XKR6: variants seen among roughly 807,000 people sequenced by gnomAD.
XKR6 encodes the protein XK-related protein 6.
In XKR6, 22 loss-of-function variants were observed where a neutral mutation model predicts 56.7. The ratio of observed to expected loss-of-function variants is 0.39; its 90% CI spans 0.28 to 0.55. The LOEUF (loss-of-function observed/expected upper bound fraction) is 0.55, where lower values mean the gene tolerates loss of function less well. Among genes scored for constraint, XKR6 ranks in the 20% least tolerant of loss-of-function variants. The pLI is 0.66. For missense variants in XKR6, 852 were observed against 889.0 expected (o/e 0.96, Z 0.53); for synonymous variants, 524 against 387.8 (o/e 1.35, Z -4.13).
At chr8:10,901,379 G>T (rs548858723) in intron 2 of XKR6, among the ~76,000 whole-genome samples, 14 of 152,180 alleles carry the variant, frequency 9.2e-5, no homozygotes, top group East Asian at 5.8e-4. Flanking sequence ...TCAACACATT[G>T]CCCAGGCTGA....
Position 11,201,792 on chromosome 8 carries a change from G to A in XKR6, c.-453C>T, listed in dbSNP as rs1222471440. Among the ~76,000 whole-genome samples, 1 of 152,122 alleles carries A rather than the reference G, an allele frequency of 6.6e-6. No individual in the cohort carries two copies. The highest frequency in any genetic ancestry group is 1.5e-5 in the Non-Finnish European group (1 of 68,016). On this transcript the variant is annotated 5_prime_UTR_variant, in exon 1 of 3. The change creates a new upstream start codon in the 5' untranslated region. Coordinates refer to ENST00000416569, the MANE Select transcript of XKR6 (RefSeq NM_173683.4). Reference sequence around the variant, plus strand: ...ACGTTTTGGGGTCCCCTTCCTCAGCGTCGCAGCTCACAGCTTTCCTCCTGG... The same window carrying A: ...ACGTTTTGGGGTCCCCTTCCTCAGCATCGCAGCTCACAGCTTTCCTCCTGG...
chr8:11,117,667 A>C (rs898619792), intron 1 of XKR6, among the ~76,000 whole-genome samples: 2 of 152,244 alleles, frequency 1.3e-5, no homozygotes, highest in Admixed American at 1.3e-4. Context: ...CACATGAAGA[A>C]CTTTAATTAT....
intron 1 of XKR6, among the ~76,000 whole-genome samples, chr8:10,938,143 G>C (rs935262275): frequency 6.6e-6 from 1 of 152,152 alleles, no homozygotes; most frequent in African/African-American, 2.4e-5. Flanking sequence ...CGCAATATTC[G>C]GGTGGGAGTG....
At chr8:11,133,550 C>A (rs1309845230) in intron 1 of XKR6, among the ~76,000 whole-genome samples, 1 of 152,044 alleles carries the variant, frequency 6.6e-6, no homozygotes, top group East Asian at 1.9e-4. Flanking sequence ...TACACACTCT[C>A]CGGGGAGACT....
At chr8:11,198,729 T>C (rs1804030343) in intron 1 of XKR6, among the ~76,000 whole-genome samples, 1 of 152,164 alleles carries the variant, frequency 6.6e-6, no homozygotes, top group African/African-American at 2.4e-5. Flanking sequence ...TTAGAAACAG[T>C]TCTCTCAGGA....
At chr8:11,036,967 G>A (rs1799161743) in intron 1 of XKR6, among the ~76,000 whole-genome samples, 1 of 152,214 alleles carries the variant, frequency 6.6e-6, no homozygotes, top group Non-Finnish European at 1.5e-5. Flanking sequence ...TCCCCTGCTT[G>A]AGAAGCCCCC....
intron 1 of XKR6, among the ~76,000 whole-genome samples, chr8:11,189,527 A>T (rs943138402): frequency 6.6e-6 from 1 of 152,204 alleles, no homozygotes; most frequent in African/African-American, 2.4e-5. Flanking sequence ...AATCCATTAG[A>T]ATCACCTGAG....
intron 1 of XKR6, among the ~76,000 whole-genome samples, chr8:11,009,802 T>C (rs556466237): frequency 2.8e-4 from 42 of 152,344 alleles, no homozygotes; most frequent in Non-Finnish European, 4.9e-4. Context: ...TTAACACTAA[T>C]GTATCAATAT....
At chr8:10,926,972 C>T (rs1014944286) in intron 1 of XKR6, among the ~76,000 whole-genome samples, 7 of 152,080 alleles carry the variant, frequency 4.6e-5, no homozygotes, top group African/African-American at 7.2e-5. Flanking sequence ...CAGACACACA[C>T]GGAGAGACAC....
intron 1 of XKR6, chr8:11,002,588 C>G (rs1339783925): frequency 2.8e-5 from 5 of 180,222 alleles, no homozygotes; most frequent in Non-Finnish European, 4.9e-5. Context: ...GGTCACCCTC[C>G]CAGCCAGCAC....
At chr8:10,984,313 T>G (rs1039808751) in intron 1 of XKR6, among the ~76,000 whole-genome samples, 1 of 152,214 alleles carries the variant, frequency 6.6e-6, no homozygotes, top group Non-Finnish European at 1.5e-5. Flanking sequence ...AATTCTTACA[T>G]GGATACACAA....
At position 11,114,737 on chromosome 8, in the gene XKR6, G is replaced by A. The variant is rs879421318; in HGVS notation, c.764+85839C>T. Reference sequence around the variant, plus strand: ...CTACTTAGATCACATATGTGTGTGTGTGTGTGTGTGTGTGTGTGTGTGTGT... The same window carrying A: ...CTACTTAGATCACATATGTGTGTGTATGTGTGTGTGTGTGTGTGTGTGTGT... On this transcript the variant is annotated intron_variant, in intron 1 of 2. Transcript: ENST00000416569. Among the ~76,000 whole-genome samples the A allele has an allele frequency of 5.4e-3, 573 of 106,376 alleles. 10 individuals are homozygous for A. Among genetic ancestry groups the A allele is most frequent in the African/African-American group, 0.021 (444 of 21,210 alleles). The allele number at this position is 106,376 out of a possible 152,430, so 69.8% of individuals were successfully genotyped here. A position where few individuals can be genotyped will look rare whatever the true frequency, so the allele number is the denominator to read the frequency against.
intron 1 of XKR6, among the ~76,000 whole-genome samples, chr8:11,042,886 C>A (rs932979060): frequency 3.3e-5 from 5 of 152,158 alleles, no homozygotes; most frequent in Admixed American, 1.3e-4. Context: ...GCACTTAGGC[C>A]CAGAAGAGTC....
intron 1 of XKR6, among the ~76,000 whole-genome samples, chr8:11,097,166 C>G (rs1798288634): frequency 5.3e-5 from 8 of 152,206 alleles, no homozygotes; most frequent in Admixed American, 4.6e-4. Context: ...CTCATATAGA[C>G]TTTGTCTCCT....
At chr8:11,176,990 C>T (rs897507725) in intron 1 of XKR6, among the ~76,000 whole-genome samples, 9 of 152,158 alleles carry the variant, frequency 5.9e-5, no homozygotes, top group South Asian at 2.1e-4. Context: ...GGTGACAGGA[C>T]GCCAATGTCA....
intron 1 of XKR6, among the ~76,000 whole-genome samples, chr8:11,036,605 G>C (rs1386996443): frequency 6.6e-6 from 1 of 152,202 alleles, no homozygotes; most frequent in Non-Finnish European, 1.5e-5. Context: ...TGAGAATTTA[G>C]CATGCTTAAT....
intron 1 of XKR6, among the ~76,000 whole-genome samples, chr8:11,063,367 G>A (rs1799889841): frequency 6.6e-6 from 1 of 151,836 alleles, no homozygotes; most frequent in African/African-American, 2.4e-5. Context: ...GTGTGGTGGT[G>A]TGAACCTGTA....
chr8:11,059,984 G>GA, intron 1 of XKR6, among the ~76,000 whole-genome samples: 1 of 152,208 alleles, frequency 6.6e-6, no homozygotes, highest in Non-Finnish European at 1.5e-5. Context: ...TCCCCTTCTT[G>GA]ACAGTGGCCA....
At chr8:10,936,111 T>G (rs988293706) in intron 1 of XKR6, among the ~76,000 whole-genome samples, 218 of 150,110 alleles carry the variant, frequency 1.5e-3, no homozygotes, top group African/African-American at 4.9e-3. Flanking sequence ...ATATTTAGGA[T>G]AGTTAGCTCC....
Sources: allele counts gnomAD v4.1 joint callset (sites outside exome capture counted in the v4.1 genomes callset), GRCh38; gene constraint gnomAD v4.1.1; transcripts MANE v1.5; gene names NCBI Gene and HGNC (gene_info 2026-07-23, HGNC 2026-07-21).